STIMATE: variants seen among roughly 807,000 people sequenced by gnomAD.
STIMATE encodes the protein store-operated calcium entry regulator STIMATE.
A neutral mutation model predicts 36.7 loss-of-function variants in STIMATE; 15 were observed. The ratio of observed to expected loss-of-function variants is 0.41; its 90% CI spans 0.27 to 0.63. The LOEUF (loss-of-function observed/expected upper bound fraction) is 0.63, where lower values mean the gene tolerates loss of function less well. STIMATE is among the 20% of genes least tolerant of loss of function. The probability of loss-of-function intolerance (pLI) is 0.32; values close to 1 mark genes in which losing one functional copy is unlikely to be tolerated. For missense variants in STIMATE, 305 were observed against 397.3 expected (o/e 0.77, Z 1.98); for synonymous variants, 163 against 162.3 (o/e 1.00, Z -0.03).
Position 52,842,969 on chromosome 3 carries a change from AG to A in STIMATE, c.619-10del, listed in dbSNP as rs542523246. ...ACCCAAAACATCAAAGCCTGTGGGA[AG>A]GAAAAGTGCAGGTTACTTTGGGATA... is the stretch of plus-strand genomic sequence containing the variant. On this transcript the variant is annotated splice_polypyrimidine_tract_variant and intron_variant, in intron 6 of 7. Transcript: ENST00000355083. 8.9e-5 allele frequency: 143 copies of A among 1,614,066 alleles called. No homozygotes were observed. The highest frequency in any genetic ancestry group is 1.2e-4 in the Non-Finnish European group (139 of 1,180,030).
At chr3:52,887,999 T>TTTTTTTTTTG (rs1559499718) in intron 1 of STIMATE, among the ~76,000 whole-genome samples, 1 of 130,124 alleles carries the variant, frequency 7.7e-6, no homozygotes, top group African/African-American at 3.0e-5. Flanking sequence ...AATCAGTTTT[T>TTTTTTTTTTG]TTTTTTTTTT....
At chr3:52,857,932 G>A (rs114377412) in intron 1 of STIMATE, among the ~76,000 whole-genome samples, 3,314 of 152,040 alleles carry the variant, frequency 0.022, 53 homozygotes, top group Non-Finnish European at 0.034. Flanking sequence ...GCTTTTTGGC[G>A]GGCCCTAATC....
chr3:52,860,207 C>T (rs1299751042), intron 1 of STIMATE, among the ~76,000 whole-genome samples: 1 of 151,604 alleles, frequency 6.6e-6, no homozygotes, highest in African/African-American at 2.4e-5. Flanking sequence ...CCCCATTCAG[C>T]AGGAGATGAA....
chr3:52,879,280 G>C (rs1020749065), intron 1 of STIMATE, among the ~76,000 whole-genome samples: 1 of 152,194 alleles, frequency 6.6e-6, no homozygotes, highest in African/African-American at 2.4e-5. Flanking sequence ...GGTGGCCAGA[G>C]ACAGGGCAGC....
intron 1 of STIMATE, among the ~76,000 whole-genome samples, chr3:52,877,397 A>G (rs57430179): frequency 0.03 from 4,497 of 152,278 alleles, 224 homozygotes; most frequent in African/African-American, 0.1. Context: ...CTCATGCCAT[A>G]GTCTAGAACA....
chr3:52,871,449 C>T (rs1701405556), intron 1 of STIMATE, among the ~76,000 whole-genome samples: 2 of 152,122 alleles, frequency 1.3e-5, no homozygotes, highest in African/African-American at 2.4e-5. Context: ...GGGAGTTAGC[C>T]AGCACACGAC....
In STIMATE at chr3:52,872,077, C is replaced by T. The variant is rs556378068; in HGVS notation, c.161-16633G>A. On this transcript the variant is annotated intron_variant, in intron 1 of 7. Transcript: ENST00000355083. ...GTTCCTGTCTCAGCGCTCAGGAAGC[C>T]TCCTCTGACTGCCTCAACCACGGGT... is the stretch of plus-strand genomic sequence containing the variant. 2.0e-5 allele frequency among the ~76,000 whole-genome samples: 3 copies of T among 152,266 alleles called. No homozygotes were observed. In the South Asian group the frequency reaches 6.2e-4, roughly 32 times the overall value.
chr3:52,895,508 T>C (rs1701850864), intron 1 of STIMATE, among the ~76,000 whole-genome samples: 1 of 152,238 alleles, frequency 6.6e-6, no homozygotes, highest in Non-Finnish European at 1.5e-5. Flanking sequence ...GACTGCTTTC[T>C]AGTTCAATCT....
intron 1 of STIMATE, among the ~76,000 whole-genome samples, chr3:52,865,015 C>T (rs926362693): frequency 6.6e-5 from 10 of 151,504 alleles, no homozygotes; most frequent in African/African-American, 7.3e-5. Flanking sequence ...GGCGTGATCT[C>T]GGCTCACTGC....
chr3:52,844,751 T>A (rs2106653044), intron 5 of STIMATE, 78 bp downstream of exon 5: 1 of 1,538,176 alleles, frequency 6.5e-7, no homozygotes, highest in South Asian at 1.2e-5. Flanking sequence ...TTCCTAGAGT[T>A]GGCGTATGTG....
chr3:52,870,644 G>A (rs1414803949), intron 1 of STIMATE, among the ~76,000 whole-genome samples: 2 of 151,500 alleles, frequency 1.3e-5, no homozygotes, highest in Non-Finnish European at 2.9e-5. Flanking sequence ...GTGTCCTGCT[G>A]CGCGGGCAGG....
chr3:52,839,066 C>G lies in STIMATE; in HGVS notation c.*1428G>C, dbSNP rs1700753925. On this transcript the variant is annotated 3_prime_UTR_variant, in exon 8 of 8. Coordinates refer to ENST00000355083, the MANE Select transcript of STIMATE (RefSeq NM_198563.5). ...GGCTGGGGTCAGCCCATTCCACAGT[C>G]ACTCAGCAAACTCCCAAAACCACAG... The G allele has an allele frequency of 6.6e-6, 1 of 152,182 alleles. No individual in the cohort carries two copies. Among genetic ancestry groups the G allele is most frequent in the Admixed American group, 6.5e-5 (1 of 15,280 alleles). The allele number at this position is 152,182 out of a possible 1,614,324, so 9.4% of individuals were successfully genotyped here. A position where few individuals can be genotyped will look rare whatever the true frequency, so the allele number is the denominator to read the frequency against.
intron 7 of STIMATE, 107 bp downstream of exon 7, chr3:52,842,704 C>T: frequency 3.2e-6 from 5 of 1,564,016 alleles, no homozygotes; most frequent in Non-Finnish European, 4.3e-6. Flanking sequence ...CTGGCTCGCA[C>T]TGTGACTCTG....
intron 1 of STIMATE, among the ~76,000 whole-genome samples, chr3:52,892,022 C>A (rs773956913): frequency 6.6e-6 from 1 of 152,152 alleles, no homozygotes; most frequent in East Asian, 1.9e-4. Flanking sequence ...CATGGCAGAG[C>A]GAAGCAGACA....
chr3:52,881,028 A>C (rs1297744816), intron 1 of STIMATE, among the ~76,000 whole-genome samples: 1 of 152,012 alleles, frequency 6.6e-6, no homozygotes, highest in African/African-American at 2.4e-5. Context: ...GTCTGTACTA[A>C]AAATACAAAA....
Position 52,897,485 on chromosome 3 carries a change from G to A in STIMATE, c.-35C>T, listed in dbSNP as rs2106745714. 3 of 1,214,202 alleles carry A rather than the reference G, an allele frequency of 2.5e-6. No homozygotes were observed. Among genetic ancestry groups the A allele is most frequent in the East Asian group, 3.4e-5 (1 of 29,190 alleles). The allele number at this position is 1,214,202 out of a possible 1,614,324, so 75.2% of individuals were successfully genotyped here. ...CGCGGGAGGGGCGCGAGGGCCCAGGGCCCGCCCGGCCTCGCTGCCTGCCGG... is the reference window on the plus strand; with the variant it reads ...CGCGGGAGGGGCGCGAGGGCCCAGGACCCGCCCGGCCTCGCTGCCTGCCGG... On this transcript the variant is annotated 5_prime_UTR_variant, in exon 1 of 8. Coordinates refer to ENST00000355083, the MANE Select transcript of STIMATE (RefSeq NM_198563.5).
Position 52,838,579 on chromosome 3 carries a change from G to A in STIMATE, c.*1915C>T, listed in dbSNP as rs907217961. 4 of 152,242 alleles carry A rather than the reference G, an allele frequency of 2.6e-5. No homozygotes were observed. The highest frequency in any genetic ancestry group is 9.6e-5 in the African/African-American group (4 of 41,460). 9.4% of individuals were successfully genotyped at this position (152,242 alleles called of 1,614,324 possible). A position where few individuals can be genotyped will look rare whatever the true frequency, so the allele number is the denominator to read the frequency against. ...TGGGGAAATACTGGCTACCATAGCTGTGGATGGGAGGGAGCACAAAGTCAA... is the reference window on the plus strand; with the variant it reads ...TGGGGAAATACTGGCTACCATAGCTATGGATGGGAGGGAGCACAAAGTCAA... On this transcript the variant is annotated 3_prime_UTR_variant, in exon 8 of 8. Transcript: ENST00000355083.
At position 52,844,742 on chromosome 3, in the gene STIMATE, T is replaced by C. The variant is rs1368563580; in HGVS notation, c.540+87A>G. On this transcript the variant is annotated intron_variant, in intron 5 of 7. Transcript: ENST00000355083. ...CATAGAGTTAAAACAAGTTTGGTTT[T>C]CCTAGAGTTGGCGTATGTGGGTGAT... 5 of 1,503,060 alleles carry C rather than the reference T, an allele frequency of 3.3e-6. No individual in the cohort carries two copies. In the East Asian group the frequency reaches 9.1e-5, roughly 27 times the overall value. The allele number at this position is 1,503,060 out of a possible 1,614,324, so 93.1% of individuals were successfully genotyped here.
chr3:52,843,090 A>C, intron 6 of STIMATE, 130 bp from the exon 7 acceptor site: 3 of 1,443,138 alleles, frequency 2.1e-6, no homozygotes, highest in Non-Finnish European at 1.9e-6. Context: ...ACCCAATCCA[A>C]TCACCCTGCT....
Sources: allele counts gnomAD v4.1 joint callset (sites outside exome capture counted in the v4.1 genomes callset), GRCh38; gene constraint gnomAD v4.1.1; transcripts MANE v1.5; gene names NCBI Gene and HGNC (gene_info 2026-07-23, HGNC 2026-07-21).